NBN: variants seen among roughly 807,000 people sequenced by gnomAD.
NBN encodes nibrin.
A neutral mutation model predicts 90.8 loss-of-function variants in NBN; 88 were observed. The observed-to-expected ratio is 0.97, with a 90% CI of 0.82 to 1.16. NBN has a LOEUF of 1.16. NBN is among the 50% of genes most tolerant of loss of function. The probability of loss-of-function intolerance (pLI) is 0.00; values close to 1 mark genes in which losing one functional copy is unlikely to be tolerated. For missense variants in NBN, 894 were observed against 869.6 expected, an observed-to-expected ratio of 1.03 and a Z score of -0.35; for synonymous variants, 328 against 295.1, an observed-to-expected ratio of 1.11 and a Z score of -1.14.
At chr8:89,950,402 T>C (rs1429825224) in intron 11 of NBN, among the ~76,000 whole-genome samples, 1 of 152,196 alleles carries the variant, frequency 6.6e-6, no homozygotes, top group Non-Finnish European at 1.5e-5. Flanking sequence ...TTATATTGCA[T>C]TGTTTAGGAA....
intron 4 of NBN, among the ~76,000 whole-genome samples, chr8:89,979,361 C>G (rs933152049): frequency 6.6e-6 from 1 of 152,162 alleles, no homozygotes; most frequent in Non-Finnish European, 1.5e-5. Context: ...AGAATGGAAC[C>G]TGAAAGATAC....
At chr8:89,959,561 T>G (rs1423720319) in intron 8 of NBN, among the ~76,000 whole-genome samples, 3 of 152,086 alleles carry the variant, frequency 2.0e-5, no homozygotes, top group African/African-American at 7.2e-5. Context: ...GAGCCCAGCC[T>G]GGGCAACACT....
chr8:89,968,964 A>G (rs956100966), intron 7 of NBN, among the ~76,000 whole-genome samples: 5 of 152,230 alleles, frequency 3.3e-5, no homozygotes, highest in African/African-American at 1.2e-4. Context: ...ATCTCAATTA[A>G]GTAAAATATT....
intron 14 of NBN, among the ~76,000 whole-genome samples, chr8:89,941,970 AC>A (rs1809970281): frequency 6.6e-6 from 1 of 152,206 alleles, no homozygotes; most frequent in African/African-American, 2.4e-5. Context: ...AAAATAAGGA[AC>A]CCTGAGAGGT....
At chr8:89,948,358 C>A (rs1050575661) in intron 11 of NBN, among the ~76,000 whole-genome samples, 11 of 151,872 alleles carry the variant, frequency 7.2e-5, no homozygotes, top group Admixed American at 5.9e-4. Flanking sequence ...CTTTTAAAAT[C>A]AAAAAAGAAA....
At chr8:89,937,671 C>G (rs1214018942) in intron 14 of NBN, among the ~76,000 whole-genome samples, 3 of 152,200 alleles carry the variant, frequency 2.0e-5, no homozygotes, top group Non-Finnish European at 4.4e-5. Flanking sequence ...CCCTTCGTGA[C>G]TTCTCCCACC....
rs1809582311 is a variant in NBN at position 89,934,665 on chromosome 8, G to A, written c.*917C>T. ...TAATCAGTTGTAGTGACTCTTGACT[G>A]GAACTCCCTTCTTGCTGGATCACAG... On this transcript the variant is annotated 3_prime_UTR_variant, in exon 16 of 16. Transcript: ENST00000265433. The A allele has an allele frequency of 4.3e-6, 1 of 233,134 alleles. No individual in the cohort carries two copies. Among genetic ancestry groups the A allele is most frequent in the Non-Finnish European group, 8.5e-6 (1 of 117,998 alleles). The allele number at this position is 233,134 out of a possible 1,614,324, so 14.4% of individuals were successfully genotyped here. A position where few individuals can be genotyped will look rare whatever the true frequency, so the allele number is the denominator to read the frequency against.
chr8:89,950,724 A>G (rs1283215940), intron 11 of NBN, among the ~76,000 whole-genome samples: 1 of 145,656 alleles, frequency 6.9e-6, no homozygotes, highest in African/African-American at 2.7e-5. Context: ...TATACCTCAT[A>G]TAAACCTTAC....
chr8:89,982,755 A>G lies in NBN; in HGVS notation c.138T>C (p.Ala46=). The G allele has an allele frequency of 6.2e-7, 1 of 1,614,036 alleles. No homozygotes were observed. The highest frequency in any genetic ancestry group is 2.2e-5 in the East Asian group (1 of 44,848). ...ENDQSISRNH[A]VLTANFSVTN... Reference sequence around the variant, plus strand: ...TTACAGAAAAGTTAGCAGTTAACACAGCATGATTTCGGCTGATCGACTGAT... The same window carrying G: ...TTACAGAAAAGTTAGCAGTTAACACGGCATGATTTCGGCTGATCGACTGAT... Residue 46 remains alanine (A), a synonymous_variant, in exon 2 of 16, where the codon GCT becomes GCC. Coordinates refer to ENST00000265433, the MANE Select transcript of NBN (RefSeq NM_002485.5).
In NBN at chr8:89,958,415, C is replaced by T. The variant is rs7818989; in HGVS notation, c.1124+310G>A. Among the ~76,000 whole-genome samples the T allele has an allele frequency of 0.068, 10,381 of 152,224 alleles. 1,066 individuals carry two copies. The highest frequency in any genetic ancestry group is 0.22 in the African/African-American group (9,266 of 41,494). On this transcript the variant is annotated intron_variant, in intron 9 of 15. Transcript: ENST00000265433. ...AAGGAAGCATTTCTTGGAAAGTATC[C>T]TTGTCTTTAAGAGACTACGTATTGT...
intron 6 of NBN, 132 bp from the exon 7 acceptor site, chr8:89,970,689 T>G (rs1163138515): frequency 5.7e-6 from 5 of 882,748 alleles, no homozygotes; most frequent in Non-Finnish European, 8.9e-6. Flanking sequence ...TCATTTCAGC[T>G]TCCACTTTGA....
chr8:89,949,071 C>T (rs1810327811), intron 11 of NBN, among the ~76,000 whole-genome samples: 1 of 152,226 alleles, frequency 6.6e-6, no homozygotes, highest in African/African-American at 2.4e-5. Flanking sequence ...TATCAAACTT[C>T]TCTTCTCAAA....
chr8:89,958,003 C>T (rs969579359), intron 9 of NBN, among the ~76,000 whole-genome samples: 8 of 152,152 alleles, frequency 5.3e-5, no homozygotes, highest in African/African-American at 1.9e-4. Context: ...GCTCGTTTTC[C>T]TGCAACTAGT....
intron 6 of NBN, 37 bp downstream of exon 6, chr8:89,971,136 G>C (rs1009201191): frequency 6.3e-7 from 1 of 1,580,342 alleles, no homozygotes; most frequent in Non-Finnish European, 8.7e-7. Context: ...AGTTTGTAAT[G>C]TATTCTTTAG....
At chr8:89,941,463 C>G (rs1318040146) in intron 14 of NBN, among the ~76,000 whole-genome samples, 3 of 152,140 alleles carry the variant, frequency 2.0e-5, no homozygotes, top group African/African-American at 7.2e-5. Context: ...TTAAAACTAC[C>G]CATTCCGACT....
At position 89,937,965 on chromosome 8, in the gene NBN, T is replaced by C. The variant is rs367766478; in HGVS notation, c.2185-890A>G. 3.9e-5 allele frequency among the ~76,000 whole-genome samples: 6 copies of C among 152,174 alleles called. No homozygotes were observed. In the East Asian group the frequency reaches 5.8e-4, roughly 15 times the overall value. On this transcript the variant is annotated intron_variant, in intron 14 of 15. Coordinates refer to ENST00000265433, the MANE Select transcript of NBN (RefSeq NM_002485.5). ...TTTTCCCTCTTCCCACATGTAACCA[T>C]CTTTAAAGGTACATTCATTCAATAC...
At chr8:89,946,465 G>T in intron 12 of NBN, 170 bp from the exon 13 acceptor site, 1 of 627,118 alleles carries the variant, frequency 1.6e-6, no homozygotes, top group Non-Finnish European at 2.7e-6. Flanking sequence ...GCTAATTCAA[G>T]ATAAGAAAAT....
intron 7 of NBN, among the ~76,000 whole-genome samples, chr8:89,965,153 A>C (rs1811189254): frequency 6.6e-6 from 1 of 152,172 alleles, no homozygotes; most frequent in Non-Finnish European, 1.5e-5. Context: ...AGGCTTTTAC[A>C]AACAAATCTA....
intron 15 of NBN, 160 bp from the exon 16 acceptor site, chr8:89,935,772 A>G (rs1422610898): frequency 2.9e-6 from 1 of 343,614 alleles, no homozygotes; most frequent in Non-Finnish European, 4.1e-6. Context: ...TTTTATTTTC[A>G]TGTATCCCTT....
Sources: gnomAD v4.1 joint callset for allele counts (sites outside exome capture counted in the v4.1 genomes callset) on GRCh38, gnomAD v4.1.1 for gene constraint, MANE v1.5 for transcripts, NCBI Gene and HGNC (gene_info 2026-07-23, HGNC 2026-07-21) for gene names.